The following DOK6 variants were observed in gnomAD, a reference collection of about 807,000 sequenced individuals.
DOK6 encodes the protein docking protein 6, also known as downstream of tyrosine kinase 6.
A neutral mutation model predicts 44.0 loss-of-function variants in DOK6; 22 were observed. The observed-to-expected ratio is 0.50, with a 90% CI of 0.36 to 0.71. The LOEUF (loss-of-function observed/expected upper bound fraction) is 0.71. Among genes scored for constraint, DOK6 ranks in the 30% least tolerant of loss-of-function variants. DOK6 has a pLI of 0.00. For missense variants in DOK6, 340 were observed against 416.4 expected (o/e 0.82, Z 1.60); for synonymous variants, 166 against 145.5 (o/e 1.14, Z -1.01).
At chr18:69,573,993 A>G (rs1001667407) in intron 2 of DOK6, among the ~76,000 whole-genome samples, 2 of 152,030 alleles carry the variant, frequency 1.3e-5, no homozygotes, top group Non-Finnish European at 1.5e-5. Flanking sequence ...GAGATAAGTA[A>G]CATACGGGCA....
chr18:69,689,745 C>T (rs943717237), intron 4 of DOK6, among the ~76,000 whole-genome samples: 6 of 151,970 alleles, frequency 3.9e-5, no homozygotes, highest in African/African-American at 1.4e-4. Context: ...TATAAAAGGA[C>T]TGAATTATTC....
At chr18:69,654,419 G>A (rs1985310819) in intron 3 of DOK6, among the ~76,000 whole-genome samples, 1 of 152,150 alleles carries the variant, frequency 6.6e-6, no homozygotes. Context: ...CTTCTCTGGG[G>A]CAGGAAATTT....
At chr18:69,498,241 A>T (rs1703045828) in intron 1 of DOK6, among the ~76,000 whole-genome samples, 1 of 152,308 alleles carries the variant, frequency 6.6e-6, no homozygotes, top group Admixed American at 6.5e-5. Context: ...ATAAAATTTT[A>T]ATTTTTATTA....
chr18:69,469,826 C>A, intron 1 of DOK6: 1 of 221,904 alleles, frequency 4.5e-6, no homozygotes, highest in South Asian at 4.6e-5. Flanking sequence ...TCTCCCGTGC[C>A]ACTGGCTCCT....
chr18:69,742,781 C>T (rs1472535314), intron 6 of DOK6, among the ~76,000 whole-genome samples: 1 of 152,212 alleles, frequency 6.6e-6, no homozygotes, highest in African/African-American at 2.4e-5. Flanking sequence ...TGTCCTTTGA[C>T]TCCTTGAAAT....
intron 1 of DOK6, among the ~76,000 whole-genome samples, chr18:69,549,997 A>G (rs1338444343): frequency 2.0e-5 from 3 of 151,078 alleles, no homozygotes; most frequent in Non-Finnish European, 4.4e-5. Context: ...CCTACATGCC[A>G]AGATACTTTA....
chr18:69,447,074 C>A (rs1979316369), intron 1 of DOK6, among the ~76,000 whole-genome samples: 1 of 152,148 alleles, frequency 6.6e-6, no homozygotes, highest in South Asian at 2.1e-4. Flanking sequence ...TCGCATTTGT[C>A]AATTTTGGCT....
intron 5 of DOK6, among the ~76,000 whole-genome samples, chr18:69,700,674 A>G (rs1241604478): frequency 1.3e-5 from 2 of 152,130 alleles, no homozygotes; most frequent in East Asian, 1.9e-4. Flanking sequence ...ATTGTCCATA[A>G]TTTTGTGCAT....
intron 1 of DOK6, among the ~76,000 whole-genome samples, chr18:69,441,847 G>T (rs1323201032): frequency 6.6e-6 from 1 of 152,154 alleles, no homozygotes; most frequent in African/African-American, 2.4e-5. Flanking sequence ...ATGTTACACA[G>T]AATGTGATGA....
At chr18:69,444,662 G>GAGACAGA (rs750119309) in intron 1 of DOK6, among the ~76,000 whole-genome samples, 683 of 63,272 alleles carry the variant, frequency 0.011, 3 homozygotes, top group Non-Finnish European at 0.014. Context: ...TTTTTTTTTT[G>GAGACAGA]AGACAGAATC....
chr18:69,614,804 C>T lies in DOK6; in HGVS notation c.289+15306C>T, dbSNP rs573034473. On this transcript the variant is annotated intron_variant, in intron 3 of 7. Transcript: ENST00000382713. The stretch of plus-strand genomic sequence containing the variant: ...ATAATAAATAATATATATGTATATA[C>T]ACACACACATATGTGTGTGTGTGTG... 2.5e-3 allele frequency among the ~76,000 whole-genome samples: 371 copies of T among 149,948 alleles called. 3 individuals carry two copies. The highest frequency in any genetic ancestry group is 8.5e-3 in the African/African-American group (345 of 40,758).
chr18:69,647,314 A>G (rs1336883821), intron 3 of DOK6: 1 of 152,156 alleles, frequency 6.6e-6, no homozygotes, highest in African/African-American at 2.4e-5. Flanking sequence ...TGCTAGAAGT[A>G]CAGGTTATGG....
chr18:69,805,115 G>T (rs771363833), intron 7 of DOK6, among the ~76,000 whole-genome samples: 1 of 152,148 alleles, frequency 6.6e-6, no homozygotes, highest in African/African-American at 2.4e-5. Context: ...CACTCACTTA[G>T]TGATTAGTAT....
In DOK6 at chr18:69,422,782, A is replaced by G. The variant is rs1310769835; in HGVS notation, c.66+21472A>G. Reference sequence around the variant, plus strand: ...TAATTTTTCAAAATTTTGGTTTGAAACATAATTATTCCTCTTAAAATTTCC... The same window carrying G: ...TAATTTTTCAAAATTTTGGTTTGAAGCATAATTATTCCTCTTAAAATTTCC... On this transcript the variant is annotated intron_variant, in intron 1 of 7. Transcript: ENST00000382713. Among the ~76,000 whole-genome samples, 3 of 152,346 alleles carry G rather than the reference A, an allele frequency of 2.0e-5. No individual in the cohort carries two copies. In the East Asian group the frequency reaches 5.8e-4, roughly 29 times the overall value.
Position 69,827,479 on chromosome 18 carries a change from C to T in DOK6, c.857-13765C>T, listed in dbSNP as rs142276226. On this transcript the variant is annotated intron_variant, in intron 7 of 7. Coordinates refer to ENST00000382713, the MANE Select transcript of DOK6 (RefSeq NM_152721.6). Reference sequence around the variant, plus strand: ...TCTAATCAGTTATCAGAAAGAAAAGCCCTAGGCAAACTTCTTCTTTGGTAA... The same window carrying T: ...TCTAATCAGTTATCAGAAAGAAAAGTCCTAGGCAAACTTCTTCTTTGGTAA... Among the ~76,000 whole-genome samples, 500 of 152,126 alleles carry T rather than the reference C, an allele frequency of 3.3e-3. 3 individuals carry two copies. Among genetic ancestry groups the T allele is most frequent in the African/African-American group, 0.011 (446 of 41,562 alleles).
At chr18:69,621,115 C>G (rs1417206670) in intron 3 of DOK6, among the ~76,000 whole-genome samples, 1 of 152,092 alleles carries the variant, frequency 6.6e-6, no homozygotes, top group Non-Finnish European at 1.5e-5. Flanking sequence ...TTCTGGAACA[C>G]TGTTTCATCC....
At chr18:69,786,705 A>G (rs1482685684) in intron 7 of DOK6, among the ~76,000 whole-genome samples, 1 of 152,224 alleles carries the variant, frequency 6.6e-6, no homozygotes, top group Non-Finnish European at 1.5e-5. Flanking sequence ...AAGGCACCTA[A>G]GGAACATTTT....
At chr18:69,685,695 A>G (rs1450309362) in intron 4 of DOK6, among the ~76,000 whole-genome samples, 1 of 152,200 alleles carries the variant, frequency 6.6e-6, no homozygotes, top group Non-Finnish European at 1.5e-5. Context: ...ATGTACTGTC[A>G]ATTATAATTG....
intron 4 of DOK6, among the ~76,000 whole-genome samples, chr18:69,685,466 A>G (rs531694935): frequency 6.6e-6 from 1 of 152,320 alleles, no homozygotes; most frequent in East Asian, 1.9e-4. Context: ...ATAAGATATG[A>G]CTTGGAAAAC....
Sources: allele counts gnomAD v4.1 joint callset (sites outside exome capture counted in the v4.1 genomes callset), GRCh38; gene constraint gnomAD v4.1.1; transcripts MANE v1.5; gene names NCBI Gene and HGNC (gene_info 2026-07-23, HGNC 2026-07-21).